The following POTEJ variants were observed in gnomAD, a reference collection of about 807,000 sequenced individuals.
The protein encoded by POTEJ is POTE ankyrin domain family, member J.
POTEJ carries 11 observed loss-of-function variants against 69.0 expected under a neutral mutation model. That is an observed-to-expected ratio of 0.16 (90% CI 0.10 to 0.26). The LOEUF (loss-of-function observed/expected upper bound fraction) is 0.26. POTEJ is among the 10% of genes least tolerant of loss of function. The pLI, the probability that POTEJ is intolerant of heterozygous loss-of-function variation, is 1.00. For synonymous variants in POTEJ, 117 were observed against 381.1 expected, an observed-to-expected ratio of 0.31 and a Z score of 8.07; for missense variants, 327 against 1,045.5, an observed-to-expected ratio of 0.31 and a Z score of 9.48.
At chr2:130,618,595 A>AACG (rs1209448795) in intron 3 of POTEJ, among the ~76,000 whole-genome samples, 8 of 145,428 alleles carry the variant, frequency 5.5e-5, no homozygotes, top group Non-Finnish European at 8.9e-5. Flanking sequence ...CAACAACAAC[A>AACG]ACGACGACGA....
intron 13 of POTEJ, among the ~76,000 whole-genome samples, chr2:130,648,295 T>C (rs1224448498): frequency 6.8e-6 from 1 of 146,374 alleles, no homozygotes; most frequent in Admixed American, 6.8e-5. Context: ...TACATAAAAT[T>C]TGAAAACTCC....
At chr2:130,647,145 A>C (rs1686609685) in intron 13 of POTEJ, among the ~76,000 whole-genome samples, 1 of 150,846 alleles carries the variant, frequency 6.6e-6, no homozygotes, top group Admixed American at 6.5e-5. Flanking sequence ...CCATTTTAAA[A>C]AAATGAGGTT....
chr2:130,641,273 T>G (rs1686362334), intron 10 of POTEJ, among the ~76,000 whole-genome samples: 1 of 152,280 alleles, frequency 6.6e-6, no homozygotes, highest in East Asian at 1.9e-4. Context: ...ATAGTTTCCA[T>G]GTCACACATC....
intron 6 of POTEJ, among the ~76,000 whole-genome samples, chr2:130,627,019 A>G (rs1391620280): frequency 6.6e-6 from 1 of 152,176 alleles, no homozygotes; most frequent in African/African-American, 2.4e-5. Flanking sequence ...TAATAATTGA[A>G]TGAGAAAGCC....
intron 13 of POTEJ, among the ~76,000 whole-genome samples, chr2:130,651,624 G>T (rs985027643): frequency 1.6e-5 from 2 of 125,974 alleles, no homozygotes; most frequent in Admixed American, 1.6e-4. Context: ...TTTGTTTTTG[G>T]TATTTTTAGA....
At chr2:130,637,204 T>C (rs1371303005) in intron 9 of POTEJ, among the ~76,000 whole-genome samples, 2 of 151,634 alleles carry the variant, frequency 1.3e-5, no homozygotes, top group Non-Finnish European at 3.0e-5. Flanking sequence ...TTTTTTTATT[T>C]AGGGAGAAAA....
At chr2:130,643,168 G>A (rs1686454553) in intron 10 of POTEJ, among the ~76,000 whole-genome samples, 1 of 146,052 alleles carries the variant, frequency 6.8e-6, no homozygotes, top group African/African-American at 2.5e-5. Flanking sequence ...GCAGCCTCAA[G>A]GAAGGAGGTA....
chr2:130,611,166 C>G (rs1437638432), upstream of POTEJ, among the ~76,000 whole-genome samples: 3 of 146,234 alleles, frequency 2.1e-5, no homozygotes, highest in Non-Finnish European at 4.5e-5. Context: ...TGGTGTTGGT[C>G]GCTTGGCCTG....
chr2:130,643,336 T>C (rs959176059), intron 10 of POTEJ, among the ~76,000 whole-genome samples: 4 of 130,466 alleles, frequency 3.1e-5, no homozygotes, highest in Admixed American at 1.6e-4. Context: ...TCCTGTCCAA[T>C]GGTGAAACCC....
chr2:130,655,385 A>G (rs573272217), intron 14 of POTEJ, among the ~76,000 whole-genome samples: 5 of 152,318 alleles, frequency 3.3e-5, no homozygotes, highest in Non-Finnish European at 7.3e-5. Context: ...AAATGTTAAT[A>G]GAGAAGTCAA....
At chr2:130,646,945 C>CACA (rs1686599345) in intron 13 of POTEJ, among the ~76,000 whole-genome samples, 1 of 148,400 alleles carries the variant, frequency 6.7e-6, no homozygotes, top group Non-Finnish European at 1.5e-5. Context: ...AGCATATTCA[C>CACA]ACACACATAT....
At chr2:130,644,700 CTTTG>C (rs1294305091) in intron 11 of POTEJ, among the ~76,000 whole-genome samples, 50 of 141,986 alleles carry the variant, frequency 3.5e-4, no homozygotes, top group Middle Eastern at 3.7e-3. Context: ...AATTTCAGAA[CTTTG>C]TTTGTTCTTT....
In POTEJ at chr2:130,656,973, T is replaced by C. The variant is rs1687024270; in HGVS notation, c.2213T>C (p.Ile738Thr). ...LTLKYPMEHG[I>T]ITNWDDMEKI... ...CTGAAGTACCCCATGGAACACGGCA[T>C]CATCACCAACTGGGATGACATGGAG... is the stretch of plus-strand genomic sequence containing the variant. The change falls in exon 15 of 15, where the codon ATC becomes ACC. Residue 738 changes from isoleucine (I) to threonine (T), a missense_variant. Coordinates refer to ENST00000409602, the MANE Select transcript of POTEJ (RefSeq NM_001277083.2). 1 of 1,590,076 alleles carries C rather than the reference T, an allele frequency of 6.3e-7. No individual in the cohort carries two copies. The highest frequency in any genetic ancestry group is 2.2e-5 in the East Asian group (1 of 44,888).
chr2:130,625,434 C>G (rs1685670662), intron 6 of POTEJ, among the ~76,000 whole-genome samples: 1 of 151,876 alleles, frequency 6.6e-6, no homozygotes, highest in Non-Finnish European at 1.5e-5. Context: ...TTACTGTGTG[C>G]TAGATGCCCA....
intron 7 of POTEJ, among the ~76,000 whole-genome samples, chr2:130,631,160 G>T (rs1193202259): frequency 1.3e-5 from 2 of 148,710 alleles, no homozygotes; most frequent in Non-Finnish European, 1.5e-5. Flanking sequence ...TTGGGCTAAG[G>T]TGAATTATTT....
intron 1 of POTEJ, among the ~76,000 whole-genome samples, chr2:130,613,348 GTGTGTA>G (rs1558915635): frequency 6.3e-5 from 8 of 126,706 alleles, no homozygotes; most frequent in African/African-American, 3.1e-5. Flanking sequence ...ATATATATGT[GTGTGTA>G]TATATATACA....
Position 130,624,075 on chromosome 2 carries a change from T to G in POTEJ, c.956T>G (p.Leu319Ter), listed in dbSNP as rs1316371398. The change falls in exon 6 of 15, where the codon TTA becomes TGA. Residue 319 changes from leucine (L) to a stop codon, truncating the protein, a stop_gained. Transcript: ENST00000409602. LOFTEE classifies it high-confidence loss of function. Reference sequence around the variant, plus strand: ...ATTTTTATACATAGAATTTGCCAGTTACTTTCTGACTACAAAGAAAAACAG... The same window carrying G: ...ATTTTTATACATAGAATTTGCCAGTGACTTTCTGACTACAAAGAAAAACAG... ...VSSHHHVICQLLSDYKEKQML... is the reference protein window; with the variant it reads ...VSSHHHVICQ 2 of 1,346,550 alleles carry G rather than the reference T, an allele frequency of 1.5e-6. No individual in the cohort carries two copies. The highest frequency in any genetic ancestry group is 2.0e-6 in the Non-Finnish European group (2 of 994,624). The allele number at this position is 1,346,550 out of a possible 1,614,324, so 83.4% of individuals were successfully genotyped here.
intron 6 of POTEJ, among the ~76,000 whole-genome samples, chr2:130,629,035 G>T (rs571842502): frequency 1.3e-3 from 203 of 152,188 alleles, no homozygotes; most frequent in African/African-American, 4.6e-3. Flanking sequence ...AAAAAAGAAA[G>T]AAAAATGAAA....
chr2:130,640,217 T>A (rs1209424024), intron 10 of POTEJ, among the ~76,000 whole-genome samples: 1 of 143,426 alleles, frequency 7.0e-6, no homozygotes, highest in Non-Finnish European at 1.5e-5. Flanking sequence ...ATTGCCCATT[T>A]GGGAGGAAGA....
Sources: allele counts gnomAD v4.1 joint callset (sites outside exome capture counted in the v4.1 genomes callset), GRCh38; gene constraint gnomAD v4.1.1; transcripts MANE v1.5; gene names NCBI Gene and HGNC (gene_info 2026-07-23, HGNC 2026-07-21).